Variants in CDH18 observed in about 807,000 individuals in gnomAD.
The protein encoded by CDH18 is cadherin 18.
Under a neutral mutation model 67.9 loss-of-function variants are expected in CDH18, and 31 were observed. The observed-to-expected ratio is 0.46, with a 90% CI of 0.34 to 0.62. The LOEUF (loss-of-function observed/expected upper bound fraction) is 0.62. Ranked by LOEUF, CDH18 falls within the 20% of genes least tolerant of loss-of-function variation. The probability of loss-of-function intolerance (pLI) is 0.01; values close to 1 mark genes in which losing one functional copy is unlikely to be tolerated. For synonymous variants in CDH18, 362 were observed against 347.2 expected (o/e 1.04, Z -0.48); for missense variants, 890 against 975.5 (o/e 0.91, Z 1.17).
At chr5:20,459,712 T>C (rs1751113010) in intron 1 of CDH18, among the ~76,000 whole-genome samples, 2 of 152,204 alleles carry the variant, frequency 1.3e-5, no homozygotes, top group African/African-American at 4.8e-5. Context: ...GTGACTGAGC[T>C]AGTCCGACAG....
intron 1 of CDH18, among the ~76,000 whole-genome samples, chr5:20,472,301 CAT>C (rs1206408039): frequency 2.0e-5 from 3 of 152,058 alleles, no homozygotes; most frequent in South Asian, 2.1e-4. Flanking sequence ...ATTTGTATTC[CAT>C]ATATAGTTTA....
chr5:20,122,934 A>G (rs1408768059), intron 2 of CDH18, among the ~76,000 whole-genome samples: 4 of 148,264 alleles, frequency 2.7e-5, no homozygotes, highest in Admixed American at 1.4e-4. Flanking sequence ...TCATTATACA[A>G]TATTTTATAT....
chr5:19,692,579 T>C (rs1461701913), intron 5 of CDH18, among the ~76,000 whole-genome samples: 1 of 151,396 alleles, frequency 6.6e-6, no homozygotes, highest in African/African-American at 2.4e-5. Flanking sequence ...AGGAGAAAAA[T>C]ATACATTTCT....
intron 1 of CDH18, among the ~76,000 whole-genome samples, chr5:20,521,245 G>C (rs1281673322): frequency 6.6e-6 from 1 of 152,050 alleles, no homozygotes; most frequent in Non-Finnish European, 1.5e-5. Flanking sequence ...TTTATTTCTT[G>C]ACTAGGAAAA....
At chr5:20,542,063 A>G (rs1266281698) in intron 1 of CDH18, among the ~76,000 whole-genome samples, 2 of 152,166 alleles carry the variant, frequency 1.3e-5, no homozygotes, top group East Asian at 1.9e-4. Flanking sequence ...CTCCTGCCTC[A>G]GCCTCCTGAG....
chr5:19,827,808 T>G (rs912048783), intron 3 of CDH18, among the ~76,000 whole-genome samples: 1 of 151,316 alleles, frequency 6.6e-6, no homozygotes, highest in Non-Finnish European at 1.5e-5. Context: ...AAATCAAGAC[T>G]CTGACACCGA....
At chr5:20,497,629 T>C (rs1383079385) in intron 1 of CDH18, among the ~76,000 whole-genome samples, 1 of 152,100 alleles carries the variant, frequency 6.6e-6, no homozygotes, top group East Asian at 1.9e-4. Flanking sequence ...TCTTTGTTGT[T>C]AAACAATGCA....
intron 8 of CDH18, among the ~76,000 whole-genome samples, chr5:19,559,629 C>T (rs1247907586): frequency 1.3e-5 from 2 of 151,966 alleles, no homozygotes; most frequent in East Asian, 3.9e-4. Flanking sequence ...ACTCTTAACA[C>T]TTCTCTTCAA....
Position 20,521,274 on chromosome 5 carries a change from G to A in CDH18, c.-580+54188C>T, listed in dbSNP as rs984834967. Reference sequence around the variant, plus strand: ...AGGAAAAGTATAAGTTTGGGGAGGCGAGGCAAGTCAAGCAAAATGGTTTGA... The same window carrying A: ...AGGAAAAGTATAAGTTTGGGGAGGCAAGGCAAGTCAAGCAAAATGGTTTGA... On this transcript the variant is annotated intron_variant, in intron 1 of 14. Transcript: ENST00000507958. Among the ~76,000 whole-genome samples, 7 of 152,226 alleles carry A rather than the reference G, an allele frequency of 4.6e-5. No individual in the cohort carries two copies. The South Asian group carries it at 6.2e-4, about 14-fold the overall frequency.
chr5:20,470,784 A>G (rs1751997666), intron 1 of CDH18, among the ~76,000 whole-genome samples: 1 of 152,332 alleles, frequency 6.6e-6, no homozygotes, highest in Middle Eastern at 3.4e-3. Context: ...GAGCTAGATT[A>G]CAACTCTTAC....
intron 5 of CDH18, among the ~76,000 whole-genome samples, chr5:19,620,617 T>C (rs1000939383): frequency 6.6e-6 from 1 of 152,172 alleles, no homozygotes; most frequent in Non-Finnish European, 1.5e-5. Context: ...GTGGTCACTA[T>C]CTAAGAATTT....
At chr5:20,432,177 T>C (rs1321600302) in intron 1 of CDH18, among the ~76,000 whole-genome samples, 1 of 152,084 alleles carries the variant, frequency 6.6e-6, no homozygotes, top group Non-Finnish European at 1.5e-5. Flanking sequence ...ACTGAATCAG[T>C]GAAAAAAAAT....
intron 1 of CDH18, among the ~76,000 whole-genome samples, chr5:20,302,835 C>A (rs1202768426): frequency 2.6e-5 from 4 of 152,260 alleles, no homozygotes; most frequent in Non-Finnish European, 5.9e-5. Context: ...CATGAGGAAT[C>A]AAAGTGGAAA....
At chr5:19,545,508 A>G (rs1308153235) in intron 8 of CDH18, among the ~76,000 whole-genome samples, 2 of 152,170 alleles carry the variant, frequency 1.3e-5, no homozygotes. Context: ...ACAATTTATA[A>G]AAAAAATTAT....
chr5:19,639,280 C>T (rs1328460123), intron 5 of CDH18, among the ~76,000 whole-genome samples: 1 of 151,968 alleles, frequency 6.6e-6, no homozygotes, highest in Non-Finnish European at 1.5e-5. Context: ...GGATTACAGG[C>T]GTGAGCCACC....
At chr5:20,523,468 T>C (rs1052442359) in intron 1 of CDH18, among the ~76,000 whole-genome samples, 1 of 152,182 alleles carries the variant, frequency 6.6e-6, no homozygotes, top group African/African-American at 2.4e-5. Context: ...CTGCCTTCAA[T>C]GTAATCTTAA....
chr5:20,199,149 G>A (rs186834948), intron 2 of CDH18, among the ~76,000 whole-genome samples: 1 of 152,276 alleles, frequency 6.6e-6, no homozygotes, highest in Non-Finnish European at 1.5e-5. Context: ...GGGGGCTATT[G>A]TCCTCCAGAT....
At chr5:19,774,881 G>C (rs1188603133) in intron 3 of CDH18, among the ~76,000 whole-genome samples, 1 of 126,732 alleles carries the variant, frequency 7.9e-6, no homozygotes, top group Admixed American at 9.6e-5. Flanking sequence ...GTATACAAGT[G>C]TAAGTTGGCA....
intron 2 of CDH18, among the ~76,000 whole-genome samples, chr5:20,108,702 G>C (rs1747201690): frequency 6.6e-6 from 1 of 152,030 alleles, no homozygotes; most frequent in South Asian, 2.1e-4. Flanking sequence ...TGAGACTACT[G>C]CTGGTTCCTT....
Sources: gnomAD v4.1 joint callset for allele counts (sites outside exome capture counted in the v4.1 genomes callset) on GRCh38, gnomAD v4.1.1 for gene constraint, MANE v1.5 for transcripts, NCBI Gene and HGNC (gene_info 2026-07-23, HGNC 2026-07-21) for gene names.